The following RAPGEF2 variants were observed in gnomAD, a reference collection of about 807,000 sequenced individuals.
RAPGEF2 encodes the protein Rap guanine nucleotide exchange factor 2.
Under a neutral mutation model 186.7 loss-of-function variants are expected in RAPGEF2, and 54 were observed. The observed-to-expected ratio is 0.29, with a 90% CI of 0.23 to 0.36. RAPGEF2 has a LOEUF of 0.36. RAPGEF2 is among the 10% of genes least tolerant of loss of function. The pLI is 1.00. For missense variants in RAPGEF2, 1,532 were observed against 2,045.0 expected, an observed-to-expected ratio of 0.75 and a Z score of 4.84; for synonymous variants, 712 against 705.9, an observed-to-expected ratio of 1.01 and a Z score of -0.14.
chr4:159,287,577 G>A (rs1760671092), intron 7 of RAPGEF2, among the ~76,000 whole-genome samples: 1 of 152,042 alleles, frequency 6.6e-6, no homozygotes. Flanking sequence ...TTCTCTAAGA[G>A]CAATTATATT....
At chr4:159,344,619 A>G (rs1730032459) in intron 23 of RAPGEF2, among the ~76,000 whole-genome samples, 1 of 152,212 alleles carries the variant, frequency 6.6e-6, no homozygotes, top group African/African-American at 2.4e-5. Flanking sequence ...TGATTGTTTT[A>G]TTAACAGATT....
intron 1 of RAPGEF2, among the ~76,000 whole-genome samples, chr4:159,120,985 G>A (rs1739615975): frequency 6.6e-6 from 1 of 151,958 alleles, no homozygotes; most frequent in Admixed American, 6.6e-5. Flanking sequence ...CTCCCTACTA[G>A]CTGGGACTAT....
intron 26 of RAPGEF2, 148 bp downstream of exon 26, chr4:159,350,437 C>A: frequency 1.7e-6 from 1 of 604,182 alleles, no homozygotes; most frequent in Non-Finnish European, 2.5e-6. Flanking sequence ...TTTTTTCCCT[C>A]AGTTTATAAA....
chr4:159,354,107 A>G, intron 28 of RAPGEF2, 61 bp downstream of exon 28: 8 of 1,431,022 alleles, frequency 5.6e-6, no homozygotes, highest in Non-Finnish European at 7.5e-6. Context: ...GTAACTTATT[A>G]CAATAGTAAA....
chr4:159,243,832 T>C, intron 7 of RAPGEF2, 41 bp downstream of exon 7: 1 of 1,229,344 alleles, frequency 8.1e-7, no homozygotes, highest in Non-Finnish European at 1.1e-6. Context: ...CTAACCTAAG[T>C]TTACGTGTGA....
chr4:159,258,100 G>A (rs898534835), intron 7 of RAPGEF2, among the ~76,000 whole-genome samples: 1 of 152,090 alleles, frequency 6.6e-6, no homozygotes, highest in South Asian at 2.1e-4. Context: ...ATGATAACCT[G>A]ATATTTACAA....
chr4:159,284,123 TC>T (rs1760109021), intron 7 of RAPGEF2, among the ~76,000 whole-genome samples: 1 of 152,220 alleles, frequency 6.6e-6, no homozygotes, highest in South Asian at 2.1e-4. Flanking sequence ...ACATAAAAGC[TC>T]TGAAATCTGT....
intron 1 of RAPGEF2, among the ~76,000 whole-genome samples, chr4:159,145,925 G>A (rs554887566): frequency 6.6e-6 from 1 of 152,254 alleles, no homozygotes; most frequent in South Asian, 2.1e-4. Context: ...TGTCATAGAG[G>A]GCTAGGTTTC....
intron 29 of RAPGEF2, among the ~76,000 whole-genome samples, chr4:159,356,806 C>G (rs1338401381): frequency 6.6e-6 from 1 of 152,012 alleles, no homozygotes; most frequent in African/African-American, 2.4e-5. Context: ...GAGGCTGAGG[C>G]AGGAGAACCA....
At chr4:159,340,667 CCACACACACACACACACACACACA>C in intron 19 of RAPGEF2, among the ~76,000 whole-genome samples, 1 of 76,868 alleles carries the variant, frequency 1.3e-5, no homozygotes, top group Non-Finnish European at 2.6e-5. Context: ...ACCACCATCA[CCACACACACACACACACACACACA>C]CACACACACA....
At chr4:159,184,240 C>A (rs1250703735) in intron 1 of RAPGEF2, among the ~76,000 whole-genome samples, 1 of 152,168 alleles carries the variant, frequency 6.6e-6, no homozygotes, top group African/African-American at 2.4e-5. Flanking sequence ...GATTTATAAT[C>A]CTTTGGGTAT....
At chr4:159,335,726 T>A (rs1033550373) in intron 17 of RAPGEF2, among the ~76,000 whole-genome samples, 5 of 151,100 alleles carry the variant, frequency 3.3e-5, no homozygotes, top group Non-Finnish European at 7.4e-5. Flanking sequence ...TCCCAGCTAC[T>A]CGGAGAGGCT....
intron 1 of RAPGEF2, among the ~76,000 whole-genome samples, chr4:159,151,830 A>G (rs991386087): frequency 2.0e-5 from 3 of 152,180 alleles, no homozygotes; most frequent in African/African-American, 7.2e-5. Flanking sequence ...CATCTTAGGA[A>G]TAAACAGTTG....
chr4:159,199,424 C>T, intron 3 of RAPGEF2, among the ~76,000 whole-genome samples: 1 of 151,394 alleles, frequency 6.6e-6, no homozygotes, highest in East Asian at 1.9e-4. Flanking sequence ...TCAGGTTTGC[C>T]TTCTCATGCC....
intron 1 of RAPGEF2, among the ~76,000 whole-genome samples, chr4:159,122,290 C>G (rs1036311123): frequency 2.0e-5 from 3 of 151,346 alleles, no homozygotes; most frequent in African/African-American, 7.3e-5. Flanking sequence ...ACCAGCCTGA[C>G]CAACATGGTG....
intron 7 of RAPGEF2, among the ~76,000 whole-genome samples, chr4:159,286,713 T>G (rs764628892): frequency 8.5e-5 from 13 of 152,210 alleles, no homozygotes; most frequent in Non-Finnish European, 1.8e-4. Flanking sequence ...AGTTGTTTCT[T>G]TTGCTCAGAA....
chr4:159,307,030 T>C (rs1471412084), intron 8 of RAPGEF2, among the ~76,000 whole-genome samples: 1 of 152,222 alleles, frequency 6.6e-6, no homozygotes, highest in Non-Finnish European at 1.5e-5. Context: ...GACTGAAATA[T>C]ACACAAATAT....
chr4:159,201,254 A>T (rs948221144), intron 3 of RAPGEF2, among the ~76,000 whole-genome samples: 5 of 152,248 alleles, frequency 3.3e-5, no homozygotes, highest in Non-Finnish European at 7.3e-5. Context: ...CCAGTAACAG[A>T]AATGATGTAA....
chr4:159,287,416 A>G (rs1246109649), intron 7 of RAPGEF2, among the ~76,000 whole-genome samples: 9 of 152,136 alleles, frequency 5.9e-5, no homozygotes, highest in African/African-American at 2.2e-4. Flanking sequence ...CAGACATTCT[A>G]TTTAGGAAGA....
Sources: gnomAD v4.1 joint callset for allele counts (sites outside exome capture counted in the v4.1 genomes callset) on GRCh38, gnomAD v4.1.1 for gene constraint, MANE v1.5 for transcripts, NCBI Gene and HGNC (gene_info 2026-07-23, HGNC 2026-07-21) for gene names.